Variants in INSYN2B observed in about 807,000 individuals in gnomAD.
The protein encoded by INSYN2B is inhibitory synaptic factor family member 2B, also known as protein INSYN2B.
Under a neutral mutation model 41.2 loss-of-function variants are expected in INSYN2B, and 16 were observed. The observed-to-expected ratio is 0.39, with a 90% CI of 0.26 to 0.59. The LOEUF (loss-of-function observed/expected upper bound fraction) is 0.59, where lower values mean the gene tolerates loss of function less well. INSYN2B is among the 20% of genes least tolerant of loss of function. The pLI is 0.57. For synonymous variants in INSYN2B, 245 were observed against 244.4 expected (o/e 1.00, Z -0.02); for missense variants, 608 against 646.4 (o/e 0.94, Z 0.64).
rs147831079 is a variant in INSYN2B, at chr5:169,930,147, T to C, written c.-918-45331A>G. 4.6e-5 allele frequency among the ~76,000 whole-genome samples: 7 copies of C among 152,244 alleles called. No homozygotes were observed. In the East Asian group the frequency reaches 1.2e-3, roughly 25 times the overall value. On this transcript the variant is annotated intron_variant, in intron 1 of 3. Coordinates refer to ENST00000377365, the MANE Select transcript of INSYN2B (RefSeq NM_001129891.3). ...CTGGGACTACAGGTGCATTCCACCA[T>C]GCCCAGCTAATTTTTTGCATTTTAG... is the stretch of plus-strand genomic sequence containing the variant.
chr5:169,888,808 C>A (rs1412372782), intron 1 of INSYN2B, among the ~76,000 whole-genome samples: 1 of 152,122 alleles, frequency 6.6e-6, no homozygotes, highest in Non-Finnish European at 1.5e-5. Flanking sequence ...CAGATAGAAC[C>A]CAGCTGGTAG....
At chr5:169,920,849 C>G (rs1775133005) in intron 1 of INSYN2B, among the ~76,000 whole-genome samples, 1 of 120,334 alleles carries the variant, frequency 8.3e-6, no homozygotes, top group Non-Finnish European at 1.7e-5. Flanking sequence ...CTGACCTCCA[C>G]CCTAGGACAC....
chr5:169,939,591 T>C (rs1319169285), intron 1 of INSYN2B, among the ~76,000 whole-genome samples: 1 of 152,210 alleles, frequency 6.6e-6, no homozygotes, highest in African/African-American at 2.4e-5. Flanking sequence ...CAGCACAGTA[T>C]GTTAGTTTAC....
chr5:169,950,892 G>T (rs1168793735), intron 1 of INSYN2B, among the ~76,000 whole-genome samples: 1 of 152,242 alleles, frequency 6.6e-6, no homozygotes, highest in Non-Finnish European at 1.5e-5. Flanking sequence ...GATGTGGCCT[G>T]TGATGTTTTG....
intron 1 of INSYN2B, among the ~76,000 whole-genome samples, chr5:169,949,252 T>C (rs915121373): frequency 1.2e-4 from 19 of 152,312 alleles, no homozygotes; most frequent in Admixed American, 1.2e-3. Flanking sequence ...TAGGGATCCA[T>C]TGAAGATACA....
chr5:169,895,164 CT>C (rs1244755411), intron 1 of INSYN2B, among the ~76,000 whole-genome samples: 1 of 152,190 alleles, frequency 6.6e-6, no homozygotes, highest in Non-Finnish European at 1.5e-5. Flanking sequence ...ACCTGATGGG[CT>C]CACGGTGTTT....
At chr5:169,920,684 T>C (rs1318231863) in intron 1 of INSYN2B, among the ~76,000 whole-genome samples, 1 of 152,226 alleles carries the variant, frequency 6.6e-6, no homozygotes, top group Non-Finnish European at 1.5e-5. Flanking sequence ...AGTGTAGCCA[T>C]AGAGAGCACA....
rs557750962 is a variant in INSYN2B, at chr5:169,862,629, T to C, written c.*1644A>G. Reference sequence around the variant, plus strand: ...CGTTATATATTCCGGTCTGATTCTGTGGGCTTAAACATTACACTAGAAACA... The same window carrying C: ...CGTTATATATTCCGGTCTGATTCTGCGGGCTTAAACATTACACTAGAAACA... On this transcript the variant is annotated 3_prime_UTR_variant, in exon 4 of 4. Transcript: ENST00000377365. Among the ~76,000 whole-genome samples the C allele has an allele frequency of 2.4e-4, 37 of 152,358 alleles. No homozygotes were observed. Among genetic ancestry groups the C allele is most frequent in the African/African-American group, 8.4e-4 (35 of 41,588 alleles).
intron 1 of INSYN2B, among the ~76,000 whole-genome samples, chr5:169,977,485 C>A (rs546147008): frequency 1.3e-5 from 2 of 152,300 alleles, no homozygotes; most frequent in South Asian, 4.1e-4. Context: ...ATTAATTGAA[C>A]CCTCACCAAA....
chr5:169,935,159 G>T (rs1477879463), intron 1 of INSYN2B, among the ~76,000 whole-genome samples: 2 of 152,208 alleles, frequency 1.3e-5, no homozygotes, highest in African/African-American at 4.8e-5. Flanking sequence ...CTCTTAATTG[G>T]AGGGAGCAGC....
At chr5:169,922,991 G>A (rs12522080) in intron 1 of INSYN2B, among the ~76,000 whole-genome samples, 12,828 of 152,032 alleles carry the variant, frequency 0.084, 718 homozygotes, top group East Asian at 0.19. Context: ...TTCTCTTATC[G>A]GTCCCACAGA....
intron 1 of INSYN2B, among the ~76,000 whole-genome samples, chr5:169,942,187 C>G (rs1262497418): frequency 6.6e-6 from 1 of 152,120 alleles, no homozygotes; most frequent in Non-Finnish European, 1.5e-5. Flanking sequence ...TTATTTATGG[C>G]AGTGTGTGTA....
intron 1 of INSYN2B, among the ~76,000 whole-genome samples, chr5:169,953,738 C>T (rs1413090426): frequency 6.6e-6 from 1 of 152,134 alleles, no homozygotes. Context: ...ACCTCCCTCC[C>T]TTCTCAACCT....
chr5:169,938,604 G>A (rs1382310365), intron 1 of INSYN2B, among the ~76,000 whole-genome samples: 3 of 152,250 alleles, frequency 2.0e-5, no homozygotes, highest in Admixed American at 6.5e-5. Context: ...GAGCTTGGAA[G>A]TTGCTCTGAG....
At chr5:169,967,887 G>GA (rs1777362125) in intron 1 of INSYN2B, among the ~76,000 whole-genome samples, 1 of 152,154 alleles carries the variant, frequency 6.6e-6, no homozygotes, top group African/African-American at 2.4e-5. Context: ...AGGAGCGAGA[G>GA]AAAGGGTGGA....
In INSYN2B at chr5:169,954,680, C is replaced by G. The variant is rs112569681; in HGVS notation, c.-919+25597G>C. 2.2e-3 allele frequency among the ~76,000 whole-genome samples: 336 copies of G among 152,336 alleles called. 3 individuals carry two copies. The highest frequency in any genetic ancestry group is 7.8e-3 in the African/African-American group (323 of 41,572). On this transcript the variant is annotated intron_variant, in intron 1 of 3. Transcript: ENST00000377365. ...AGTTTGGTTCTCCAAATGCAGAATC[C>G]TGGGCCCTTTCAAACTTGTTGTTGT...
intron 1 of INSYN2B, among the ~76,000 whole-genome samples, chr5:169,968,515 C>G (rs1777382051): frequency 6.6e-6 from 1 of 152,078 alleles, no homozygotes; most frequent in Non-Finnish European, 1.5e-5. Flanking sequence ...ATTGGGGGGT[C>G]AATGTTCAGG....
In INSYN2B at chr5:169,882,811, G is replaced by C; in HGVS notation, c.1088C>G (p.Thr363Ser). ...GCQEQTANNP[T>S]ESDTLEFPNC... ...TGGAAACTCCAGTGTGTCTGACTCG[G>C]TGGGGTTGTTTGCCGTCTGCTCCTG... The change falls in exon 2 of 4, where the codon ACC (threonine) becomes AGC (serine). Residue 363 changes from threonine (T) to serine (S), a missense_variant. Thr to Ser is a moderately conservative substitution (Grantham distance 58, BLOSUM62 1). Transcript: ENST00000377365. 1 of 1,551,440 alleles carries C rather than the reference G, an allele frequency of 6.4e-7. No individual in the cohort carries two copies. Among genetic ancestry groups the C allele is most frequent in the Non-Finnish European group, 8.7e-7 (1 of 1,146,752 alleles).
chr5:169,906,881 A>G (rs1217319995), intron 1 of INSYN2B, among the ~76,000 whole-genome samples: 1 of 152,208 alleles, frequency 6.6e-6, no homozygotes, highest in Non-Finnish European at 1.5e-5. Context: ...GGAAATGTGC[A>G]TGAGGCTGGT....
Sources: gnomAD v4.1 joint callset for allele counts (sites outside exome capture counted in the v4.1 genomes callset) on GRCh38, gnomAD v4.1.1 for gene constraint, MANE v1.5 for transcripts, NCBI Gene and HGNC (gene_info 2026-07-23, HGNC 2026-07-21) for gene names.